SNTG2: variants seen among roughly 807,000 people sequenced by gnomAD.
The protein encoded by SNTG2 is gamma-2-syntrophin.
In SNTG2, 74 loss-of-function variants were observed where a neutral mutation model predicts 70.9. The ratio of observed to expected loss-of-function variants is 1.04; its 90% CI spans 0.86 to 1.27. SNTG2 has a LOEUF of 1.27. Ranked by LOEUF, SNTG2 falls within the 50% of genes most tolerant of loss-of-function variation. The probability of loss-of-function intolerance (pLI) is 0.00; values close to 1 mark genes in which losing one functional copy is unlikely to be tolerated. For synonymous variants in SNTG2, 278 were observed against 273.8 expected, an observed-to-expected ratio of 1.02 and a Z score of -0.15; for missense variants, 717 against 690.7, an observed-to-expected ratio of 1.04 and a Z score of -0.43.
At chr2:1,179,076 C>T (rs1382289604) in intron 8 of SNTG2, among the ~76,000 whole-genome samples, 2 of 152,154 alleles carry the variant, frequency 1.3e-5, no homozygotes, top group Non-Finnish European at 2.9e-5. Context: ...TCTAGATTTT[C>T]TAGTTTATTT....
intron 4 of SNTG2, among the ~76,000 whole-genome samples, chr2:1,112,138 G>C (rs1172188595): frequency 1.3e-5 from 2 of 151,532 alleles, no homozygotes; most frequent in Admixed American, 1.3e-4. Flanking sequence ...ACTAAGTGAG[G>C]TTTAAGCCTT....
intron 1 of SNTG2, among the ~76,000 whole-genome samples, chr2:1,070,948 T>A (rs1663493235): frequency 6.6e-6 from 1 of 152,190 alleles, no homozygotes; most frequent in Non-Finnish European, 1.5e-5. Context: ...GTCCTGCCTC[T>A]ATGTGCATTT....
At chr2:1,102,467 A>C (rs867872725) in intron 4 of SNTG2, 4 of 152,312 alleles carry the variant, frequency 2.6e-5, no homozygotes, top group Non-Finnish European at 5.9e-5. Context: ...TCCACGTCAC[A>C]TGCTGCTGAA....
intron 13 of SNTG2, among the ~76,000 whole-genome samples, chr2:1,260,963 C>T (rs1678383312): frequency 6.6e-6 from 1 of 152,062 alleles, no homozygotes; most frequent in African/African-American, 2.4e-5. Flanking sequence ...CATTAGTAAG[C>T]TATAGAGCCA....
chr2:1,334,432 C>T (rs1341569577), intron 16 of SNTG2, among the ~76,000 whole-genome samples: 1 of 152,090 alleles, frequency 6.6e-6, no homozygotes. Flanking sequence ...ATCCAGCAAC[C>T]CCACTATTGG....
intron 4 of SNTG2, among the ~76,000 whole-genome samples, chr2:1,131,488 C>T (rs1184564160): frequency 6.6e-6 from 1 of 152,072 alleles, no homozygotes; most frequent in South Asian, 2.1e-4. Flanking sequence ...ATCTACAGAT[C>T]GTTAAAGTGA....
chr2:1,356,016 G>T (rs1660835175), intron 16 of SNTG2, among the ~76,000 whole-genome samples: 1 of 152,154 alleles, frequency 6.6e-6, no homozygotes, highest in African/African-American at 2.4e-5. Context: ...CAAGTCCCTT[G>T]CGTATTTTGA....
chr2:1,209,837 T>A (rs527503792), intron 9 of SNTG2, among the ~76,000 whole-genome samples: 2 of 152,346 alleles, frequency 1.3e-5, no homozygotes, highest in African/African-American at 4.8e-5. Context: ...TTTTCTGTTC[T>A]TTAGACAGAT....
intron 14 of SNTG2, among the ~76,000 whole-genome samples, chr2:1,306,541 G>T (rs1205032919): frequency 6.6e-6 from 1 of 152,234 alleles, no homozygotes; most frequent in Non-Finnish European, 1.5e-5. Context: ...GAGCACAGCA[G>T]GAGCGGGGGG....
intron 4 of SNTG2, among the ~76,000 whole-genome samples, chr2:1,101,980 CTTAT>C (rs1319354043): frequency 6.6e-6 from 1 of 152,186 alleles, no homozygotes; most frequent in Non-Finnish European, 1.5e-5. Flanking sequence ...TATTAGTGTG[CTTAT>C]TTATCCATGA....
At chr2:1,046,089 A>G (rs1278367891) in intron 1 of SNTG2, among the ~76,000 whole-genome samples, 13 of 152,114 alleles carry the variant, frequency 8.5e-5, no homozygotes, top group Admixed American at 6.6e-5. Context: ...TGGTTAAGTC[A>G]TCTTACTGAA....
chr2:1,101,913 G>A (rs571177554), intron 4 of SNTG2, among the ~76,000 whole-genome samples: 3 of 152,284 alleles, frequency 2.0e-5, no homozygotes, highest in African/African-American at 7.2e-5. Context: ...GCTTCACCTC[G>A]CTCATTTTTA....
At chr2:1,222,129 C>CTGTCTCTCTCTGTCTCTCTCTG (rs1209807504) in intron 9 of SNTG2, among the ~76,000 whole-genome samples, 1 of 97,850 alleles carries the variant, frequency 1.0e-5, no homozygotes, top group Non-Finnish European at 2.2e-5. Flanking sequence ...CTCTCTGTCT[C>CTGTCTCTCTCTGTCTCTCTCTG]TCTCTGTCTC....
At chr2:1,118,144 G>A (rs548562686) in intron 4 of SNTG2, among the ~76,000 whole-genome samples, 23 of 152,112 alleles carry the variant, frequency 1.5e-4, no homozygotes, top group Middle Eastern at 3.4e-3. Flanking sequence ...CTTGAGCACC[G>A]GATGCCACAA....
At chr2:1,281,608 G>A (rs1404923065) in intron 14 of SNTG2, among the ~76,000 whole-genome samples, 2 of 152,026 alleles carry the variant, frequency 1.3e-5, no homozygotes, top group Non-Finnish European at 2.9e-5. Flanking sequence ...CAGGACACGT[G>A]TCCCGGACAG....
At chr2:1,318,451 TTA>T (rs950613384) in intron 16 of SNTG2, among the ~76,000 whole-genome samples, 96 of 152,392 alleles carry the variant, frequency 6.3e-4, no homozygotes, top group Admixed American at 2.0e-3. Flanking sequence ...TTTGACATTT[TTA>T]TGTTTTGGAA....
chr2:1,340,128 A>G (rs921336061), intron 16 of SNTG2, among the ~76,000 whole-genome samples: 2 of 152,218 alleles, frequency 1.3e-5, no homozygotes, highest in Admixed American at 6.5e-5. Context: ...TCCTCCCCAC[A>G]AAAAACTGGA....
chr2:1,159,100 G>A (rs1406551226), intron 6 of SNTG2, among the ~76,000 whole-genome samples: 8 of 56,202 alleles, frequency 1.4e-4, no homozygotes, highest in Admixed American at 2.9e-4. Flanking sequence ...ATGTGCATGC[G>A]TGTACCTGTG....
At chr2:1,280,540 GC>G (rs1474836356) in intron 14 of SNTG2, among the ~76,000 whole-genome samples, 1 of 152,196 alleles carries the variant, frequency 6.6e-6, no homozygotes, top group Non-Finnish European at 1.5e-5. Context: ...TTCCTTTTGA[GC>G]TTCTCCAGCT....
Sources: gnomAD v4.1 joint callset for allele counts (sites outside exome capture counted in the v4.1 genomes callset) on GRCh38, gnomAD v4.1.1 for gene constraint, MANE v1.5 for transcripts, NCBI Gene and HGNC (gene_info 2026-07-23, HGNC 2026-07-21) for gene names.